N4BP2L1: variants seen among roughly 807,000 people sequenced by gnomAD.
N4BP2L1 encodes the protein NEDD4 binding protein 2 like 1, also known as NEDD4-binding protein 2-like 1.
N4BP2L1 carries 12 observed loss-of-function variants against 21.2 expected under a neutral mutation model. The observed-to-expected ratio is 0.57, with a 90% CI of 0.36 to 0.92. N4BP2L1 has a LOEUF of 0.92. Ranked by LOEUF, N4BP2L1 falls within the 40% of genes least tolerant of loss-of-function variation. The pLI, the probability that N4BP2L1 is intolerant of heterozygous loss-of-function variation, is 0.01. For synonymous variants in N4BP2L1, 104 were observed against 112.8 expected (o/e 0.92, Z 0.49); for missense variants, 259 against 310.6 (o/e 0.83, Z 1.25).
At chr13:32,423,208 G>A (rs1340436877) in intron 1 of N4BP2L1, among the ~76,000 whole-genome samples, 1 of 152,154 alleles carries the variant, frequency 6.6e-6, no homozygotes, top group Non-Finnish European at 1.5e-5. Context: ...TCTGTGCAAG[G>A]CTCTATAATG....
Position 32,402,197 on chromosome 13 carries a change from G to A in N4BP2L1, c.*745C>T. 1.0e-6 allele frequency: 1 copy of A among 982,904 alleles called. No individual in the cohort carries two copies. Among genetic ancestry groups the A allele is most frequent in the Middle Eastern group, 5.2e-4 (1 of 1,908 alleles). The allele number at this position is 982,904 out of a possible 1,614,324, so 60.9% of individuals were successfully genotyped here. Reference sequence around the variant, plus strand: ...CAGGCTTATTTTATTTACACTATTAGCACAACAGCCAAAAGTTATTCAGGT... The same window carrying A: ...CAGGCTTATTTTATTTACACTATTAACACAACAGCCAAAAGTTATTCAGGT... On this transcript the variant is annotated 3_prime_UTR_variant, in exon 5 of 5. Coordinates refer to ENST00000380130, the MANE Select transcript of N4BP2L1 (RefSeq NM_052818.3).
At position 32,402,848 on chromosome 13, in the gene N4BP2L1, G is replaced by A; in HGVS notation, c.*94C>T. ...ACTTTTGAGTTCAGCTATTTACACT[G>A]GAATTGGAGCTCTGACTAAAATGCA... On this transcript the variant is annotated 3_prime_UTR_variant, in exon 5 of 5. Transcript: ENST00000380130. 1.3e-6 allele frequency: 2 copies of A among 1,489,410 alleles called. No individual in the cohort carries two copies. Among genetic ancestry groups the A allele is most frequent in the Non-Finnish European group, 1.8e-6 (2 of 1,119,214 alleles). 92.3% of individuals were successfully genotyped at this position (1,489,410 alleles called of 1,614,324 possible).
chr13:32,404,152 A>T (rs1475224155), intron 4 of N4BP2L1, 169 bp downstream of exon 4: 2 of 1,609,612 alleles, frequency 1.2e-6, no homozygotes, highest in Admixed American at 3.4e-5. Flanking sequence ...CTGACCCAAA[A>T]CTAAAGTCTT....
At chr13:32,405,812 G>C (rs1226376663) in intron 3 of N4BP2L1, among the ~76,000 whole-genome samples, 3 of 151,392 alleles carry the variant, frequency 2.0e-5, no homozygotes, top group Non-Finnish European at 4.4e-5. Context: ...AGCCCAGTCT[G>C]GACCTATTCA....
intron 1 of N4BP2L1, among the ~76,000 whole-genome samples, chr13:32,427,634 G>T (rs139576943): frequency 2.6e-5 from 4 of 152,216 alleles, no homozygotes; most frequent in Non-Finnish European, 2.9e-5. Context: ...GGGACAGCGC[G>T]GCGGGAAACA....
At chr13:32,424,110 T>G (rs997859625) in intron 1 of N4BP2L1, among the ~76,000 whole-genome samples, 1 of 152,174 alleles carries the variant, frequency 6.6e-6, no homozygotes, top group African/African-American at 2.4e-5. Flanking sequence ...GGCATTAGAA[T>G]CTTATTTCTT....
At chr13:32,428,333 C>T, upstream of N4BP2L1, 1 of 345,864 alleles carries the variant, frequency 2.9e-6, no homozygotes, top group East Asian at 4.4e-5. Flanking sequence ...ACCTCGACCC[C>T]CGCTCCGCCT....
At chr13:32,413,068 C>A (rs1229623795) in intron 1 of N4BP2L1, among the ~76,000 whole-genome samples, 1 of 151,932 alleles carries the variant, frequency 6.6e-6, no homozygotes. Context: ...GGATTATAGG[C>A]GCCCACCACC....
At chr13:32,420,102 G>A (rs1163865365) in intron 1 of N4BP2L1, among the ~76,000 whole-genome samples, 1 of 152,182 alleles carries the variant, frequency 6.6e-6, no homozygotes, top group South Asian at 2.1e-4. Flanking sequence ...GGGGACTCAG[G>A]GAACAGTTCC....
At chr13:32,407,491 G>A in intron 2 of N4BP2L1, 153 bp from the exon 3 acceptor site, 2 of 1,577,244 alleles carry the variant, frequency 1.3e-6, no homozygotes, top group Non-Finnish European at 8.6e-7. Flanking sequence ...TCTTTCTCTG[G>A]AATCTAAGGA....
chr13:32,403,167 G>A lies in N4BP2L1; in HGVS notation c.507C>T (p.Ile169=), dbSNP rs755291024. The change falls in exon 5 of 5, where the codon ATC becomes ATT. Residue 169 remains isoleucine (I), a synonymous_variant. Transcript: ENST00000380130. ...GTTCATACCGTTCTTTCATTCGGTG[G>A]ATTTTTTCTCTTGAGACACCATGAA... ...RNIHGVSREK[I]HRMKERYEHD... is the part of the protein sequence containing the mutation. 1.9e-6 allele frequency: 3 copies of A among 1,608,598 alleles called. No homozygotes were observed. The highest frequency in any genetic ancestry group is 2.5e-6 in the Non-Finnish European group (3 of 1,176,978).
Position 32,401,835 on chromosome 13 carries a change from CAAG to C in N4BP2L1, c.*1104_*1106del. The stretch of plus-strand genomic sequence containing the variant: ...ACATTAGAAAGAAGCTGTTGGCCAA[CAAG>C]AAATAGAGCATACGTCCTCTGTGGT... On this transcript the variant is annotated 3_prime_UTR_variant, in exon 5 of 5. Transcript: ENST00000380130. 1.4e-6 allele frequency: 1 copy of C among 739,158 alleles called. No homozygotes were observed. The allele number at this position is 739,158 out of a possible 1,614,324, so 45.8% of individuals were successfully genotyped here. A position where few individuals can be genotyped will look rare whatever the true frequency, so the allele number is the denominator to read the frequency against.
intron 1 of N4BP2L1, among the ~76,000 whole-genome samples, chr13:32,418,439 G>T (rs892402622): frequency 6.6e-6 from 1 of 152,250 alleles, no homozygotes; most frequent in Non-Finnish European, 1.5e-5. Flanking sequence ...CCAGGCAGAG[G>T]TGTGCTGCAG....
chr13:32,419,903 T>C (rs943637658), intron 1 of N4BP2L1, among the ~76,000 whole-genome samples: 1 of 152,164 alleles, frequency 6.6e-6, no homozygotes, highest in African/African-American at 2.4e-5. Flanking sequence ...GAAAACAGAT[T>C]CCATGGCTCA....
intron 3 of N4BP2L1, among the ~76,000 whole-genome samples, chr13:32,404,948 T>C (rs2073377315): frequency 6.6e-6 from 1 of 152,196 alleles, no homozygotes; most frequent in Non-Finnish European, 1.5e-5. Flanking sequence ...AAAACTATTA[T>C]AATTTCCTTA....
At chr13:32,409,478 G>A (rs1377452532) in intron 1 of N4BP2L1, among the ~76,000 whole-genome samples, 1 of 152,178 alleles carries the variant, frequency 6.6e-6, no homozygotes, top group Admixed American at 6.5e-5. Context: ...AATACCGAAA[G>A]AATATTAGTT....
intron 1 of N4BP2L1, among the ~76,000 whole-genome samples, chr13:32,426,276 C>T (rs538439841): frequency 1.2e-4 from 18 of 152,286 alleles, no homozygotes; most frequent in Middle Eastern, 3.4e-3. Flanking sequence ...GGCCACAGAT[C>T]AGCAAAGCGA....
chr13:32,414,097 G>C (rs564524629), intron 1 of N4BP2L1, among the ~76,000 whole-genome samples: 1 of 152,058 alleles, frequency 6.6e-6, no homozygotes, highest in East Asian at 1.9e-4. Context: ...GGCCAGGCTG[G>C]TCTTGAACTC....
intron 1 of N4BP2L1, 36 bp downstream of exon 1, chr13:32,427,868 G>A (rs369126860): frequency 3.5e-5 from 49 of 1,382,154 alleles, no homozygotes; most frequent in Non-Finnish European, 4.5e-5. Context: ...TGGTGGCCCC[G>A]GGCCCGTGCA....
Sources: gnomAD v4.1 joint callset for allele counts (sites outside exome capture counted in the v4.1 genomes callset) on GRCh38, gnomAD v4.1.1 for gene constraint, MANE v1.5 for transcripts, NCBI Gene and HGNC (gene_info 2026-07-23, HGNC 2026-07-21) for gene names.